The following PECR variants were observed in gnomAD, a reference collection of about 807,000 sequenced individuals.
PECR encodes peroxisomal trans-2-enoyl-CoA reductase.
Under a neutral mutation model 35.3 loss-of-function variants are expected in PECR, and 30 were observed. The ratio of observed to expected loss-of-function variants is 0.85; its 90% CI spans 0.64 to 1.15. PECR has a LOEUF of 1.15. PECR is among the 50% of genes most tolerant of loss of function. The probability of loss-of-function intolerance (pLI) is 0.00; values close to 1 mark genes in which losing one functional copy is unlikely to be tolerated. For synonymous variants in PECR, 148 were observed against 138.9 expected (o/e 1.07, Z -0.46); for missense variants, 392 against 370.8 (o/e 1.06, Z -0.47).
rs894531037 is a variant in PECR, at chr2:216,060,914, T to C, written c.425-1938A>G. Among the ~76,000 whole-genome samples, 23 of 151,350 alleles carry C rather than the reference T, an allele frequency of 1.5e-4. No homozygotes were observed. In the Admixed American group the frequency reaches 1.5e-3, roughly 10 times the overall value. On this transcript the variant is annotated intron_variant, in intron 3 of 7. Transcript: ENST00000265322. Reference sequence around the variant, plus strand: ...GGAAAAACTCATCTTTATAAAAGAATGCCAATTAATAAATAAATAAGGCAT... The same window carrying C: ...GGAAAAACTCATCTTTATAAAAGAACGCCAATTAATAAATAAATAAGGCAT...
intron 1 of PECR, among the ~76,000 whole-genome samples, chr2:216,077,840 T>C (rs999663933): frequency 1.3e-5 from 2 of 151,346 alleles, no homozygotes; most frequent in African/African-American, 4.9e-5. Flanking sequence ...GGATTATACA[T>C]GCAAAAATGG....
chr2:216,034,659 A>C (rs1466065661), downstream of PECR, among the ~76,000 whole-genome samples: 1 of 152,112 alleles, frequency 6.6e-6, no homozygotes, highest in Non-Finnish European at 1.5e-5. Context: ...TGGTATCTAC[A>C]ATGGAATGAA....
chr2:216,071,206 G>A (rs1214030541), intron 1 of PECR, among the ~76,000 whole-genome samples: 1 of 152,132 alleles, frequency 6.6e-6, no homozygotes, highest in Non-Finnish European at 1.5e-5. Context: ...AAACGCAAGC[G>A]TACCCTTATC....
chr2:216,055,264 C>T (rs1269481609), intron 4 of PECR, among the ~76,000 whole-genome samples: 2 of 151,650 alleles, frequency 1.3e-5, no homozygotes, highest in South Asian at 4.2e-4. Flanking sequence ...ACAGAGAAAC[C>T]CCGTCTCTAT....
At chr2:216,069,934 C>CAAAAAAAAA (rs35689726) in intron 1 of PECR, among the ~76,000 whole-genome samples, 1 of 101,306 alleles carries the variant, frequency 9.9e-6, no homozygotes, top group Non-Finnish European at 2.3e-5. Flanking sequence ...AAGACTCTGT[C>CAAAAAAAAA]AAAAAAAAAA....
At chr2:216,081,226 G>A (rs185921954) in intron 1 of PECR, among the ~76,000 whole-genome samples, 3,275 of 151,926 alleles carry the variant, frequency 0.022, 53 homozygotes, top group Middle Eastern at 0.044. Flanking sequence ...AAGATACTAT[G>A]AGAGACTCAC....
intron 5 of PECR, 145 bp downstream of exon 5, chr2:216,051,296 AAAAAAAAG>A (rs1695109926): frequency 3.2e-6 from 2 of 623,992 alleles, no homozygotes; most frequent in African/African-American, 3.7e-5. Context: ...AAAAAAAAAA[AAAAAAAAG>A]AAAATTAGGC....
intron 7 of PECR, among the ~76,000 whole-genome samples, chr2:216,029,753 T>C (rs1694651227): frequency 6.6e-6 from 1 of 152,258 alleles, no homozygotes; most frequent in Admixed American, 6.5e-5. Flanking sequence ...AGTATTTCCC[T>C]TCAGGCAAAG....
intron 4 of PECR, among the ~76,000 whole-genome samples, chr2:216,053,446 G>A (rs6721992): frequency 0.69 from 104,101 of 151,528 alleles, 35,955 homozygotes; most frequent in Admixed American, 0.73. Flanking sequence ...GGGTTTCACC[G>A]TGTTAGCCAG....
Position 216,058,927 on chromosome 2 carries a change from A to G in PECR, c.474T>C (p.Ile158=), listed in dbSNP as rs1464456267. The change falls in exon 4 of 8, where the codon ATT becomes ATC. Residue 158 remains isoleucine, a synonymous_variant. Transcript: ENST00000265322. ...ATGGAAATCCAGCTTTAGTAGGGAC[A>G]ATGATATTGACGATAGATCCTCCAT... ...KEHGGSIVNI[I]VPTKAGFPLA... 5.6e-6 allele frequency: 9 copies of G among 1,608,948 alleles called. No individual in the cohort carries two copies. The highest frequency in any genetic ancestry group is 1.1e-5 in the South Asian group (1 of 90,960).
intron 7 of PECR, chr2:216,032,902 A>G (rs2105936863): frequency 6.6e-6 from 1 of 152,338 alleles, no homozygotes; most frequent in East Asian, 1.9e-4. Flanking sequence ...TACCAAAGCA[A>G]AAAACTAAAG....
intron 1 of PECR, among the ~76,000 whole-genome samples, 156 bp from the exon 2 acceptor site, chr2:216,066,674 G>C (rs368919536): frequency 8.5e-5 from 13 of 152,280 alleles, no homozygotes; most frequent in African/African-American, 2.9e-4. Context: ...TATATCATGT[G>C]TTCCATTTTT....
At chr2:216,049,960 G>T (rs1695072449) in intron 5 of PECR, among the ~76,000 whole-genome samples, 1 of 152,316 alleles carries the variant, frequency 6.6e-6, no homozygotes, top group South Asian at 2.1e-4. Flanking sequence ...GCTCATGCCT[G>T]TAATCCCAGC....
chr2:216,051,509 G>C lies in PECR; in HGVS notation c.543C>G (p.Leu181=). The C allele has an allele frequency of 6.2e-7, 1 of 1,613,106 alleles. No individual in the cohort carries two copies. Among genetic ancestry groups the C allele is most frequent in the Non-Finnish European group, 8.5e-7 (1 of 1,179,070 alleles). ...CCCATTCCAAAGCTAAAGATTTGGT[G>C]AGGTTGTAAACACCTGCTCTTGCAG... is the stretch of plus-strand genomic sequence containing the variant. ...SGAARAGVYN[L]TKSLALEWAC... Residue 181 remains leucine, a synonymous_variant, in exon 5 of 8, where the codon CTC becomes CTG. Transcript: ENST00000265322.
rs1559216390 is a variant in PECR, at chr2:216,066,365, T to C, written c.258+20A>G. On this transcript the variant is annotated intron_variant, in intron 2 of 7. Coordinates refer to ENST00000265322, the MANE Select transcript of PECR (RefSeq NM_018441.6). ...CAAATTACAATGAATGAATAAATGATACAGATATATCTCCATTACCTCCTC... is the reference window on the plus strand; with the variant it reads ...CAAATTACAATGAATGAATAAATGACACAGATATATCTCCATTACCTCCTC... 6.9e-6 allele frequency: 11 copies of C among 1,600,286 alleles called. No homozygotes were observed. The highest frequency in any genetic ancestry group is 1.3e-5 in the African/African-American group (1 of 74,772).
intron 1 of PECR, among the ~76,000 whole-genome samples, chr2:216,079,393 A>C (rs1695781272): frequency 6.7e-6 from 1 of 148,844 alleles, no homozygotes; most frequent in Non-Finnish European, 1.5e-5. Flanking sequence ...TTTGATACTG[A>C]GTCTTGCTCT....
Position 216,053,080 on chromosome 2 carries a change from C to T in PECR, c.507-1535G>A, listed in dbSNP as rs186949728. On this transcript the variant is annotated intron_variant, in intron 4 of 7. Coordinates refer to ENST00000265322, the MANE Select transcript of PECR (RefSeq NM_018441.6). ...TGTTGGCCAGGCTGGTCTCAAACTC[C>T]TGACCTCAGATGATCTGCCCGCCTC... Among the ~76,000 whole-genome samples the T allele has an allele frequency of 1.3e-3, 197 of 152,246 alleles. 2 individuals are homozygous for T. The East Asian group carries it at 0.032, about 25-fold the overall frequency.
chr2:216,043,071 G>GTGTATA (rs1553560240), intron 7 of PECR, among the ~76,000 whole-genome samples: 1 of 127,726 alleles, frequency 7.8e-6, no homozygotes, highest in African/African-American at 3.0e-5. Context: ...ATATATGTAT[G>GTGTATA]TATATATATA....
intron 3 of PECR, among the ~76,000 whole-genome samples, chr2:216,063,296 T>C (rs989220667): frequency 6.6e-6 from 1 of 152,162 alleles, no homozygotes; most frequent in African/African-American, 2.4e-5. Flanking sequence ...ATTTACATGG[T>C]TTTCAGTTTT....
Sources: gnomAD v4.1 joint callset for allele counts (sites outside exome capture counted in the v4.1 genomes callset) on GRCh38, gnomAD v4.1.1 for gene constraint, MANE v1.5 for transcripts, NCBI Gene and HGNC (gene_info 2026-07-23, HGNC 2026-07-21) for gene names.